PTPRK: variants seen among roughly 807,000 people sequenced by gnomAD.
PTPRK encodes the protein receptor-type tyrosine-protein phosphatase kappa.
In PTPRK, 75 loss-of-function variants were observed where a neutral mutation model predicts 178.0. The observed-to-expected ratio is 0.42, with a 90% confidence interval of 0.35 to 0.51. PTPRK has a LOEUF of 0.51. Among genes scored for constraint, PTPRK ranks in the 20% least tolerant of loss-of-function variants. The pLI, the probability that PTPRK is intolerant of heterozygous loss-of-function variation, is 0.02. For missense variants in PTPRK, 1,441 were observed against 1,797.8 expected (o/e 0.80, Z 3.59); for synonymous variants, 637 against 620.6 (o/e 1.03, Z -0.39).
At position 128,497,544 on chromosome 6, in the gene PTPRK, A is replaced by C. The variant is rs116147470; in HGVS notation, c.100+22715T>G. On this transcript the variant is annotated intron_variant, in intron 1 of 29. Transcript: ENST00000368226. ...TTGAAATGAGTAAATAGAAAATGTC[A>C]AATTTCAATCAGATAAACATCAAAG... Among the ~76,000 whole-genome samples the C allele has an allele frequency of 3.3e-3, 497 of 152,328 alleles. 1 individual carries two copies. Among genetic ancestry groups the C allele is most frequent in the African/African-American group, 0.011 (453 of 41,572 alleles).
At chr6:127,984,895 C>T (rs1441807230) in intron 22 of PTPRK, among the ~76,000 whole-genome samples, 2 of 152,028 alleles carry the variant, frequency 1.3e-5, no homozygotes, top group East Asian at 1.9e-4. Context: ...TCCTATGGGA[C>T]GTTTTACCTT....
intron 1 of PTPRK, among the ~76,000 whole-genome samples, chr6:128,485,925 C>T (rs539960467): frequency 6.6e-6 from 1 of 152,274 alleles, no homozygotes; most frequent in South Asian, 2.1e-4. Flanking sequence ...ACCATCTTTT[C>T]ATTTTTATAA....
intron 7 of PTPRK, among the ~76,000 whole-genome samples, chr6:128,167,975 C>T (rs1799658440): frequency 6.6e-6 from 1 of 152,042 alleles, no homozygotes; most frequent in Non-Finnish European, 1.5e-5. Flanking sequence ...GAGTTCTACT[C>T]TGAGGTAAAA....
intron 14 of PTPRK, among the ~76,000 whole-genome samples, chr6:128,006,975 T>C (rs1778501583): frequency 6.6e-6 from 1 of 150,866 alleles, no homozygotes; most frequent in South Asian, 2.1e-4. Context: ...CAGTGAGGGA[T>C]AAAATCAAAC....
chr6:128,277,947 T>G (rs1213780082), intron 3 of PTPRK, among the ~76,000 whole-genome samples: 1 of 152,082 alleles, frequency 6.6e-6, no homozygotes, highest in Non-Finnish European at 1.5e-5. Flanking sequence ...GTCCAAATAT[T>G]TTTTAAATGG....
At chr6:128,118,624 G>A (rs1374545574) in intron 7 of PTPRK, among the ~76,000 whole-genome samples, 1 of 151,996 alleles carries the variant, frequency 6.6e-6, no homozygotes, top group East Asian at 1.9e-4. Flanking sequence ...CTTGTTACTG[G>A]TATGAGACAA....
At chr6:128,263,621 G>C (rs1019581956) in intron 3 of PTPRK, among the ~76,000 whole-genome samples, 5 of 152,158 alleles carry the variant, frequency 3.3e-5, no homozygotes, top group Non-Finnish European at 7.3e-5. Context: ...TAAATATTTA[G>C]TACAGTTTCT....
chr6:128,295,444 A>AT (rs1248904680), intron 3 of PTPRK, among the ~76,000 whole-genome samples: 2 of 151,688 alleles, frequency 1.3e-5, no homozygotes, highest in Non-Finnish European at 1.5e-5. Context: ...AGGAGGATGG[A>AT]TTTTTTTACA....
intron 6 of PTPRK, among the ~76,000 whole-genome samples, chr6:128,206,504 A>G (rs1806998385): frequency 6.6e-6 from 1 of 152,074 alleles, no homozygotes; most frequent in Admixed American, 6.6e-5. Flanking sequence ...TCAGTATAAA[A>G]AAAGGATTAT....
At chr6:128,292,564 A>T (rs1035640549) in intron 3 of PTPRK, among the ~76,000 whole-genome samples, 1 of 152,040 alleles carries the variant, frequency 6.6e-6, no homozygotes. Flanking sequence ...AGACACAAAG[A>T]AATATAACTC....
intron 7 of PTPRK, among the ~76,000 whole-genome samples, chr6:128,098,195 C>T (rs1293936766): frequency 6.6e-6 from 1 of 151,948 alleles, no homozygotes; most frequent in African/African-American, 2.4e-5. Flanking sequence ...AAAATGAAAC[C>T]TAAAAACCCA....
At chr6:128,135,406 T>C (rs998939432) in intron 7 of PTPRK, among the ~76,000 whole-genome samples, 8 of 152,220 alleles carry the variant, frequency 5.3e-5, no homozygotes, top group African/African-American at 1.9e-4. Flanking sequence ...CCTTTCACTT[T>C]GGCTCCCTTA....
At chr6:128,078,736 G>A in intron 11 of PTPRK, 77 bp downstream of exon 11, 1 of 1,031,412 alleles carries the variant, frequency 9.7e-7, no homozygotes, top group Non-Finnish European at 1.5e-6. Flanking sequence ...ATCATCTCTG[G>A]TTTTAGGCAT....
At chr6:128,210,462 G>C (rs146339778) in intron 6 of PTPRK, among the ~76,000 whole-genome samples, 1 of 145,226 alleles carries the variant, frequency 6.9e-6, no homozygotes, top group Admixed American at 6.9e-5. Flanking sequence ...GGGAGGGGGG[G>C]TGGGGAATAA....
chr6:128,459,916 G>A (rs754790712), intron 1 of PTPRK, among the ~76,000 whole-genome samples: 2 of 152,160 alleles, frequency 1.3e-5, no homozygotes, highest in Non-Finnish European at 2.9e-5. Context: ...TTTCAATCAT[G>A]CAGAAGGCAA....
In PTPRK at chr6:127,977,905, A is replaced by T. The variant is rs1414657325; in HGVS notation, c.3712-851T>A. Among the ~76,000 whole-genome samples the T allele has an allele frequency of 2.6e-5, 4 of 152,210 alleles. No homozygotes were observed. In the East Asian group the frequency reaches 5.8e-4, roughly 22 times the overall value. Reference sequence around the variant, plus strand: ...AATTATTTGCAATAATAATAATAATAATTAGTAGATTATAGAGTTCCCTAA... The same window carrying T: ...AATTATTTGCAATAATAATAATAATTATTAGTAGATTATAGAGTTCCCTAA... On this transcript the variant is annotated intron_variant, in intron 25 of 29. Coordinates refer to ENST00000368226, the MANE Select transcript of PTPRK (RefSeq NM_002844.4).
intron 1 of PTPRK, among the ~76,000 whole-genome samples, chr6:128,403,479 C>T (rs1365580709): frequency 1.3e-5 from 2 of 152,080 alleles, no homozygotes; most frequent in Non-Finnish European, 2.9e-5. Context: ...CCTCTTTTAG[C>T]TTCAATTTCC....
At chr6:127,981,095 A>G (rs769201050) in intron 25 of PTPRK, 21 bp downstream of exon 25, 1 of 1,608,480 alleles carries the variant, frequency 6.2e-7, no homozygotes, top group Admixed American at 1.7e-5. Flanking sequence ...CTCTACACTA[A>G]CAAAGAGGGC....
At chr6:128,252,102 T>G (rs1426255168) in intron 3 of PTPRK, among the ~76,000 whole-genome samples, 10 of 152,232 alleles carry the variant, frequency 6.6e-5, no homozygotes, top group Middle Eastern at 6.8e-3. Flanking sequence ...AAATAAAACC[T>G]AACAGACTTC....
Sources: gnomAD v4.1 joint callset for allele counts (sites outside exome capture counted in the v4.1 genomes callset) on GRCh38, gnomAD v4.1.1 for gene constraint, MANE v1.5 for transcripts, NCBI Gene and HGNC (gene_info 2026-07-23, HGNC 2026-07-21) for gene names.